The following HS2ST1 variants were observed in gnomAD, a reference collection of about 807,000 sequenced individuals.
The protein encoded by HS2ST1 is 2-O-sulfotransferase.
HS2ST1 carries 18 observed loss-of-function variants against 42.9 expected under a neutral mutation model. The observed-to-expected ratio is 0.42, with a 90% CI of 0.29 to 0.62. The LOEUF (loss-of-function observed/expected upper bound fraction) is 0.62. HS2ST1 is among the 20% of genes least tolerant of loss of function. The pLI, the probability that HS2ST1 is intolerant of heterozygous loss-of-function variation, is 0.21. For missense variants in HS2ST1, 334 were observed against 433.8 expected, an observed-to-expected ratio of 0.77 and a Z score of 2.04; for synonymous variants, 146 against 152.9, an observed-to-expected ratio of 0.95 and a Z score of 0.33.
At chr1:87,045,672 A>T (rs1277543469) in intron 1 of HS2ST1, 1 of 775,974 alleles carries the variant, frequency 1.3e-6, no homozygotes, top group Non-Finnish European at 2.4e-6. Context: ...CCCAGCAATC[A>T]CTGCATTAGT....
At chr1:86,953,928 G>A (rs1647596092) in intron 1 of HS2ST1, among the ~76,000 whole-genome samples, 1 of 151,366 alleles carries the variant, frequency 6.6e-6, no homozygotes, top group African/African-American at 2.4e-5. Flanking sequence ...TGGCTGGTCT[G>A]CGGAACAGTC....
intron 1 of HS2ST1, among the ~76,000 whole-genome samples, chr1:87,053,712 C>CT (rs1650888646): frequency 6.6e-6 from 1 of 152,100 alleles, no homozygotes; most frequent in Non-Finnish European, 1.5e-5. Flanking sequence ...CTGCAGTATA[C>CT]TTTGAGTATC....
intron 1 of HS2ST1, among the ~76,000 whole-genome samples, chr1:86,957,331 A>G (rs1407443866): frequency 6.6e-6 from 1 of 152,224 alleles, no homozygotes; most frequent in Non-Finnish European, 1.5e-5. Context: ...CATGACTCTC[A>G]TAGGACAAAT....
At chr1:87,063,165 G>A (rs960738213) in intron 1 of HS2ST1, among the ~76,000 whole-genome samples, 1 of 152,080 alleles carries the variant, frequency 6.6e-6, no homozygotes, top group Non-Finnish European at 1.5e-5. Context: ...CTAGACCACA[G>A]TTTCTTGAGC....
intron 1 of HS2ST1, among the ~76,000 whole-genome samples, chr1:86,970,085 A>G (rs2102208245): frequency 6.6e-6 from 1 of 151,400 alleles, no homozygotes; most frequent in East Asian, 1.9e-4. Context: ...AGATCGCGCC[A>G]TTGCACTCCA....
At chr1:87,074,179 C>G (rs774628518) in intron 2 of HS2ST1, among the ~76,000 whole-genome samples, 37 of 152,116 alleles carry the variant, frequency 2.4e-4, no homozygotes, top group Non-Finnish European at 4.9e-4. Flanking sequence ...TTTGCAGAAT[C>G]CTGGAGTACT....
intron 1 of HS2ST1, chr1:86,993,143 G>A (rs763932536): frequency 4.4e-6 from 7 of 1,598,048 alleles, no homozygotes; most frequent in South Asian, 3.4e-5. Context: ...GTATTTTGGG[G>A]TAGCATGTCC....
intron 1 of HS2ST1, among the ~76,000 whole-genome samples, chr1:86,934,127 A>G (rs1660596681): frequency 6.6e-6 from 1 of 152,146 alleles, no homozygotes; most frequent in Non-Finnish European, 1.5e-5. Context: ...AGAAAGTAGG[A>G]AGGCTGGGAG....
chr1:87,050,775 C>T (rs558184618), intron 1 of HS2ST1, among the ~76,000 whole-genome samples: 2 of 152,188 alleles, frequency 1.3e-5, no homozygotes, highest in South Asian at 2.1e-4. Context: ...CATGGTCCTG[C>T]CCTACTTATC....
chr1:87,102,536 A>G (rs985063897), intron 5 of HS2ST1, among the ~76,000 whole-genome samples: 1 of 152,252 alleles, frequency 6.6e-6, no homozygotes, highest in Non-Finnish European at 1.5e-5. Context: ...AGAGGGAACA[A>G]ATATCCAAAC....
chr1:87,033,118 A>G (rs902239209), intron 1 of HS2ST1, among the ~76,000 whole-genome samples: 7 of 152,220 alleles, frequency 4.6e-5, no homozygotes, highest in African/African-American at 1.4e-4. Context: ...ATGAATTGTT[A>G]TGGATATTTT....
chr1:86,955,297 G>A (rs1056640128), intron 1 of HS2ST1, among the ~76,000 whole-genome samples: 18 of 152,258 alleles, frequency 1.2e-4, no homozygotes, highest in African/African-American at 3.1e-4. Flanking sequence ...TGACTGGGCC[G>A]CACGTGAGGT....
chr1:87,042,654 CTTT>C (rs1375871287), intron 1 of HS2ST1, among the ~76,000 whole-genome samples: 4 of 151,998 alleles, frequency 2.6e-5, no homozygotes, highest in Admixed American at 6.6e-5. Context: ...CATAAAGGCC[CTTT>C]TCTTTCAGAA....
At chr1:86,961,514 T>TCCCATC (rs1647843493) in intron 1 of HS2ST1, among the ~76,000 whole-genome samples, 2 of 152,136 alleles carry the variant, frequency 1.3e-5, no homozygotes, top group African/African-American at 2.4e-5. Flanking sequence ...GAGTTTTATT[T>TCCCATC]CCCATCATCA....
At chr1:87,047,570 A>C (rs1404342669) in intron 1 of HS2ST1, among the ~76,000 whole-genome samples, 1 of 152,090 alleles carries the variant, frequency 6.6e-6, no homozygotes, top group Non-Finnish European at 1.5e-5. Context: ...ATTCATTTTA[A>C]ATTCATTTTT....
At chr1:87,036,932 G>A (rs148340381) in intron 1 of HS2ST1, among the ~76,000 whole-genome samples, 83 of 152,196 alleles carry the variant, frequency 5.5e-4, no homozygotes, top group African/African-American at 2.0e-3. Context: ...AAAAGGATAA[G>A]CTCCAAATAT....
chr1:86,971,753 T>G (rs918681874), intron 1 of HS2ST1, among the ~76,000 whole-genome samples: 1 of 152,314 alleles, frequency 6.6e-6, no homozygotes, highest in Non-Finnish European at 1.5e-5. Context: ...ATCAAGAATT[T>G]GTAGGAATTT....
At chr1:86,980,749 T>A (rs142932516) in intron 1 of HS2ST1, among the ~76,000 whole-genome samples, 9 of 152,298 alleles carry the variant, frequency 5.9e-5, no homozygotes, top group African/African-American at 1.9e-4. Flanking sequence ...AGTTCTTATT[T>A]TTGGTCAGTT....
At chr1:87,067,686 G>A (rs968330882) in intron 1 of HS2ST1, among the ~76,000 whole-genome samples, 1 of 152,090 alleles carries the variant, frequency 6.6e-6, no homozygotes, top group African/African-American at 2.4e-5. Flanking sequence ...TTCTTGTAGG[G>A]TTTTTATGGT....
Sources: allele counts gnomAD v4.1 joint callset (sites outside exome capture counted in the v4.1 genomes callset), GRCh38; gene constraint gnomAD v4.1.1; transcripts MANE v1.5; gene names NCBI Gene and HGNC (gene_info 2026-07-23, HGNC 2026-07-21).